Variants in DSG2 observed in about 807,000 individuals in gnomAD.
DSG2 encodes the protein desmoglein-2.
A neutral mutation model predicts 75.6 loss-of-function variants in DSG2; 45 were observed. The ratio of observed to expected loss-of-function variants is 0.60; its 90% CI spans 0.47 to 0.76. The LOEUF is 0.76. Among genes scored for constraint, DSG2 ranks in the 30% least tolerant of loss-of-function variants. The probability of loss-of-function intolerance (pLI) is 0.00; values close to 1 mark genes in which losing one functional copy is unlikely to be tolerated. For synonymous variants in DSG2, 429 were observed against 483.9 expected, an observed-to-expected ratio of 0.89 and a Z score of 1.49; for missense variants, 1,267 against 1,357.4, an observed-to-expected ratio of 0.93 and a Z score of 1.05.
chr18:31,544,947 C>T (rs558880844), intron 14 of DSG2, among the ~76,000 whole-genome samples: 111 of 152,248 alleles, frequency 7.3e-4, no homozygotes, highest in African/African-American at 2.6e-3. Context: ...AAATTATTAG[C>T]GTGCTTTCCC....
chr18:31,546,187 T>C lies in DSG2; in HGVS notation c.2801T>C (p.Ile934Thr), dbSNP rs2073307485. 1.2e-6 allele frequency: 2 copies of C among 1,613,846 alleles called. No homozygotes were observed. The highest frequency in any genetic ancestry group is 1.7e-6 in the Non-Finnish European group (2 of 1,179,900). Residue 934 changes from isoleucine (I) to threonine (T), a missense_variant, in exon 15 of 15, where the codon ATA becomes ACA. Transcript: ENST00000261590. The stretch of plus-strand genomic sequence containing the variant: ...GACCCAATGGCTTCTAGAAATGTGA[T>C]AGCAACAGAAACTTCCTATGTCACA... ...LPDPMASRNV[I>T]ATETSYVTGS...
In DSG2 at chr18:31,498,250, C is replaced by T. The variant is rs2144276425; in HGVS notation, c.-2C>T. 1 of 1,257,628 alleles carries T rather than the reference C, an allele frequency of 8.0e-7. No homozygotes were observed. Among genetic ancestry groups the T allele is most frequent in the Non-Finnish European group, 1.0e-6 (1 of 997,524 alleles). 77.9% of individuals were successfully genotyped at this position (1,257,628 alleles called of 1,614,324 possible). On this transcript the variant is annotated 5_prime_UTR_variant, in exon 1 of 15. Transcript: ENST00000261590. Reference sequence around the variant, plus strand: ...GCGGCGGGAGGCGGAGGCGAGGGTGCGATGGCGCGGAGCCCGGGACGCGCG... The same window carrying T: ...GCGGCGGGAGGCGGAGGCGAGGGTGTGATGGCGCGGAGCCCGGGACGCGCG...
At chr18:31,523,515 T>G (rs970310422) in intron 6 of DSG2, among the ~76,000 whole-genome samples, 1 of 152,242 alleles carries the variant, frequency 6.6e-6, no homozygotes, top group African/African-American at 2.4e-5. Flanking sequence ...AAAATTCTAC[T>G]CTATACCTTT....
intron 3 of DSG2, among the ~76,000 whole-genome samples, chr18:31,520,425 A>G (rs2073121151): frequency 6.6e-6 from 1 of 152,156 alleles, no homozygotes; most frequent in Non-Finnish European, 1.5e-5. Flanking sequence ...TTGCTACTCT[A>G]TATTTCAAAG....
chr18:31,509,864 G>A (rs1371712993), intron 1 of DSG2, among the ~76,000 whole-genome samples: 1 of 152,182 alleles, frequency 6.6e-6, no homozygotes, highest in Non-Finnish European at 1.5e-5. Flanking sequence ...GAAAAGTCAG[G>A]ATGTGTGACC....
In DSG2 at chr18:31,502,683, G is replaced by A. The variant is rs1451540679; in HGVS notation, c.45+4387G>A. On this transcript the variant is annotated intron_variant, in intron 1 of 14. Coordinates refer to ENST00000261590, the MANE Select transcript of DSG2 (RefSeq NM_001943.5). ...GGAGAATCGCTTGAACCTGGAAGGC[G>A]GAGGTTGCAGTGAGCCGAGATTGTG... Among the ~76,000 whole-genome samples, 6 of 150,854 alleles carry A rather than the reference G, an allele frequency of 4.0e-5. No homozygotes were observed. The East Asian group carries it at 7.7e-4, about 19-fold the overall frequency.
In DSG2 at chr18:31,519,938, G is replaced by A. The variant is rs1316380114; in HGVS notation, c.216+1G>A. The A allele has an allele frequency of 6.2e-7, 1 of 1,614,136 alleles. No homozygotes were observed. Among genetic ancestry groups the A allele is most frequent in the South Asian group, 1.1e-5 (1 of 91,084 alleles). On this transcript the variant is annotated splice_donor_variant, in intron 3 of 14. Coordinates refer to ENST00000261590, the MANE Select transcript of DSG2 (RefSeq NM_001943.5). LOFTEE classifies it high-confidence loss of function. ...GTCCAAGAAGAATCCAATTGCCAAG[G>A]TACCTCCTAAAGAGGAACATGAAAT...
Position 31,498,244 on chromosome 18 carries a change from AG to A in DSG2, c.-5del, listed in dbSNP as rs1347978764. On this transcript the variant is annotated 5_prime_UTR_variant, in exon 1 of 15. Coordinates refer to ENST00000261590, the MANE Select transcript of DSG2 (RefSeq NM_001943.5). ...GGTGCGGCGGCGGGAGGCGGAGGCG[AG>A]GGTGCGATGGCGCGGAGCCCGGGAC... 8.0e-7 allele frequency: 1 copy of A among 1,255,558 alleles called. No individual in the cohort carries two copies. The highest frequency in any genetic ancestry group is 1.0e-6 in the Non-Finnish European group (1 of 996,786). The allele number at this position is 1,255,558 out of a possible 1,614,324, so 77.8% of individuals were successfully genotyped here. A position where few individuals can be genotyped will look rare whatever the true frequency, so the allele number is the denominator to read the frequency against.
At chr18:31,501,401 T>G (rs2144283166) in intron 1 of DSG2, among the ~76,000 whole-genome samples, 1 of 152,326 alleles carries the variant, frequency 6.6e-6, no homozygotes, top group Non-Finnish European at 1.5e-5. Flanking sequence ...AGGGTATTAG[T>G]TTGCTAGGAC....
chr18:31,539,052 G>A (rs541568623), intron 12 of DSG2, 74 bp downstream of exon 12: 86 of 1,391,280 alleles, frequency 6.2e-5, no homozygotes, highest in Non-Finnish European at 8.4e-5. Flanking sequence ...TACTATGGTA[G>A]TCATTGATTT....
At chr18:31,524,331 TA>T in intron 6 of DSG2, 116 bp from the exon 7 acceptor site, 1 of 1,390,038 alleles carries the variant, frequency 7.2e-7, no homozygotes, top group Non-Finnish European at 1.0e-6. Context: ...TAGCAGATCA[TA>T]AAACAGATTT....
intron 9 of DSG2, among the ~76,000 whole-genome samples, chr18:31,533,567 A>G (rs1337605323): frequency 1.3e-5 from 2 of 152,226 alleles, no homozygotes; most frequent in Admixed American, 6.5e-5. Context: ...TACAACAGAG[A>G]ACAGAAGATT....
chr18:31,539,132 A>G lies in DSG2; in HGVS notation c.1879+154A>G, dbSNP rs144601656. ...ATAGGGAAACAACTGATGATTGGCAAATCACCAAAGCATAATATAAGACTC... is the reference window on the plus strand; with the variant it reads ...ATAGGGAAACAACTGATGATTGGCAGATCACCAAAGCATAATATAAGACTC... On this transcript the variant is annotated intron_variant, in intron 12 of 14. Coordinates refer to ENST00000261590, the MANE Select transcript of DSG2 (RefSeq NM_001943.5). Among the ~76,000 whole-genome samples, 509 of 152,328 alleles carry G rather than the reference A, an allele frequency of 3.3e-3. 1 individual carries two copies. Among genetic ancestry groups the G allele is most frequent in the Non-Finnish European group, 5.8e-3 (394 of 68,028 alleles).
intron 1 of DSG2, among the ~76,000 whole-genome samples, chr18:31,514,515 A>G (rs2073083417): frequency 6.6e-6 from 1 of 152,224 alleles, no homozygotes; most frequent in African/African-American, 2.4e-5. Flanking sequence ...TGTGCTGACT[A>G]CTGAAACAAC....
intron 6 of DSG2, among the ~76,000 whole-genome samples, chr18:31,523,114 A>T (rs1341686587): frequency 6.6e-6 from 1 of 152,202 alleles, no homozygotes; most frequent in Non-Finnish European, 1.5e-5. Flanking sequence ...TCTTAGAGAA[A>T]TGATTGGCCG....
Position 31,522,065 on chromosome 18 carries a change from C to T in DSG2, c.524-18C>T, listed in dbSNP as rs1340464144. The T allele has an allele frequency of 1.9e-6, 3 of 1,611,438 alleles. No homozygotes were observed. Among genetic ancestry groups the T allele is most frequent in the Non-Finnish European group, 2.5e-6 (3 of 1,177,914 alleles). On this transcript the variant is annotated intron_variant, in intron 5 of 14. Transcript: ENST00000261590. ...TAAAGTTGAATTTCATCTTAGACAT[C>T]TTTATTTCTAATGCCAGATACTCTT...
At chr18:31,538,024 G>A (rs2073242224) in intron 11 of DSG2, among the ~76,000 whole-genome samples, 1 of 152,106 alleles carries the variant, frequency 6.6e-6, no homozygotes, top group African/African-American at 2.4e-5. Context: ...AGAAGTGTAA[G>A]AGTGCTAATG....
chr18:31,543,498 C>G (rs2073283676), intron 14 of DSG2: 5 of 152,140 alleles, frequency 3.3e-5, no homozygotes, highest in Admixed American at 3.3e-4. Flanking sequence ...GAGAAAAGTT[C>G]CAGGAAGATG....
chr18:31,499,479 A>G (rs1389650919), intron 1 of DSG2, among the ~76,000 whole-genome samples: 1 of 152,174 alleles, frequency 6.6e-6, no homozygotes, highest in Non-Finnish European at 1.5e-5. Context: ...GTCCAGGCCT[A>G]GCACACAGTT....
Sources: allele counts gnomAD v4.1 joint callset (sites outside exome capture counted in the v4.1 genomes callset), GRCh38; gene constraint gnomAD v4.1.1; transcripts MANE v1.5; gene names NCBI Gene and HGNC (gene_info 2026-07-23, HGNC 2026-07-21).